The following BTBD7 variants were observed in gnomAD, a reference collection of about 807,000 sequenced individuals.
The protein encoded by BTBD7 is BTB/POZ domain-containing protein 7.
Under a neutral mutation model 99.9 loss-of-function variants are expected in BTBD7, and 38 were observed. That is an observed-to-expected ratio of 0.38 (90% CI 0.29 to 0.50). BTBD7 has a LOEUF of 0.50. Among genes scored for constraint, BTBD7 ranks in the 20% least tolerant of loss-of-function variants. BTBD7 has a pLI of 0.93. For synonymous variants in BTBD7, 520 were observed against 511.4 expected (o/e 1.02, Z -0.23); for missense variants, 1,170 against 1,394.6 (o/e 0.84, Z 2.57).
Position 93,296,039 on chromosome 14 carries a change from C to G in BTBD7, c.13G>C (p.Ala5Pro). Residue 5 changes from alanine (A) to proline (P), a missense_variant, in exon 2 of 11, where the codon GCA (alanine) becomes CCA (proline). Transcript: ENST00000334746. MGAN[A>P]SNYPHSCSPR... ...GAACATGAATGAGGATAATTAGATGCATTAGCACCCATTTTCTTCAGTCAC... is the reference window on the plus strand; with the variant it reads ...GAACATGAATGAGGATAATTAGATGGATTAGCACCCATTTTCTTCAGTCAC... 6.2e-7 allele frequency: 1 copy of G among 1,613,792 alleles called. No individual in the cohort carries two copies. Among genetic ancestry groups the G allele is most frequent in the Non-Finnish European group, 8.5e-7 (1 of 1,179,832 alleles).
chr14:93,268,756 CTT>C (rs61483726), intron 3 of BTBD7, among the ~76,000 whole-genome samples: 2,815 of 120,796 alleles, frequency 0.023, 31 homozygotes, highest in African/African-American at 0.048. Flanking sequence ...TAACTTAGAC[CTT>C]TTTTTTTTTT....
intron 1 of BTBD7, among the ~76,000 whole-genome samples, chr14:93,321,014 C>T (rs7161072): frequency 0.39 from 58,605 of 151,888 alleles, 12,505 homozygotes; most frequent in African/African-American, 0.58. Flanking sequence ...AAAGTGATAC[C>T]GTTACGCAGT....
chr14:93,331,105 A>G (rs1484590377), intron 1 of BTBD7, among the ~76,000 whole-genome samples: 3 of 146,786 alleles, frequency 2.0e-5, no homozygotes, highest in Non-Finnish European at 4.5e-5. Context: ...TCAGGTTAGG[A>G]AAAAAAAAAA....
intron 1 of BTBD7, among the ~76,000 whole-genome samples, chr14:93,312,486 A>C (rs2053149369): frequency 6.6e-6 from 1 of 152,212 alleles, no homozygotes; most frequent in Non-Finnish European, 1.5e-5. Context: ...CATACCTGAC[A>C]GCAATAATTT....
Position 93,294,182 on chromosome 14 carries a change from C to G in BTBD7, c.838G>C (p.Val280Leu), listed in dbSNP as rs201601051. 2.3e-5 allele frequency: 37 copies of G among 1,614,052 alleles called. No homozygotes were observed. The Admixed American group carries it at 5.0e-4, about 22-fold the overall frequency. ...AAAAATGGGGACCGTGCAGAAATAA[C>G]AGCCTTGTGGGCTTTGAGCTCTTCA... is the stretch of plus-strand genomic sequence containing the variant. ...LDEELKAHKA[V>L]ISARSPFFRN... Residue 280 changes from valine to leucine, a missense_variant, in exon 3 of 11, where the codon GTT becomes CTT. Physicochemically the swap from Val to Leu is conservative, Grantham distance 32. Coordinates refer to ENST00000334746, the MANE Select transcript of BTBD7 (RefSeq NM_001002860.4).
chr14:93,303,299 G>A (rs907940689), intron 1 of BTBD7, among the ~76,000 whole-genome samples: 3 of 152,100 alleles, frequency 2.0e-5, no homozygotes, highest in Non-Finnish European at 2.9e-5. Flanking sequence ...GTTGTTTTAA[G>A]AGTTAAAATA....
chr14:93,254,128 G>A (rs758562457), intron 6 of BTBD7, among the ~76,000 whole-genome samples: 66 of 151,936 alleles, frequency 4.3e-4, no homozygotes, highest in Admixed American at 4.6e-4. Context: ...TAGTAGAGAC[G>A]GGGTTTCACC....
intron 1 of BTBD7, among the ~76,000 whole-genome samples, chr14:93,327,409 A>G (rs1158953666): frequency 2.0e-5 from 3 of 152,140 alleles, no homozygotes; most frequent in African/African-American, 4.8e-5. Flanking sequence ...TCCCCACTAA[A>G]TAACTATAGT....
At chr14:93,248,392 C>T (rs2052336880) in intron 9 of BTBD7, 84 bp downstream of exon 9, 2 of 1,424,606 alleles carry the variant, frequency 1.4e-6, no homozygotes, top group Admixed American at 3.9e-5. Flanking sequence ...AGGAAATAAG[C>T]CAAGGACTCG....
Position 93,242,642 on chromosome 14 carries a change from T to A in BTBD7, c.3030A>T (p.Pro1010=). The A allele has an allele frequency of 1.9e-6, 3 of 1,614,140 alleles. No homozygotes were observed. The highest frequency in any genetic ancestry group is 2.5e-6 in the Non-Finnish European group (3 of 1,180,040). The change falls in exon 11 of 11, where the codon CCA becomes CCT. Residue 1010 remains proline (P), a synonymous_variant. Transcript: ENST00000334746. ...KKQEEARREY[P]LSPDGHLHRQ... ...TGTGTAGATGCCCGTCAGGGGAAAG[T>A]GGATATTCTCTCCTAGCTTCTTCCT...
At chr14:93,319,554 T>C (rs2053246391) in intron 1 of BTBD7, among the ~76,000 whole-genome samples, 1 of 152,218 alleles carries the variant, frequency 6.6e-6, no homozygotes, top group Admixed American at 6.5e-5. Flanking sequence ...ATATGAGGTC[T>C]TTATCTAGGC....
Position 93,294,900 on chromosome 14 carries a change from T to G in BTBD7, c.120A>C (p.Glu40Asp). ...CATGGTCAAGGCTATACAACTTTGA[T>G]TCGCAACCATAGCCTTGCTGAGAAT... ...SSYSQQGYGCESKLYSLDHGH... is the reference protein window; with the variant it reads ...SSYSQQGYGCDSKLYSLDHGH... The change falls in exon 3 of 11, where the codon GAA becomes GAC. Residue 40 changes from glutamate (E) to aspartate (D), a missense_variant. By Grantham distance (45) the Glu-to-Asp change is conservative (BLOSUM62 2). This residue lies in a region of BTBD7 where 359 missense variants were observed against 497.9 expected (regional missense o/e 0.72). Coordinates refer to ENST00000334746, the MANE Select transcript of BTBD7 (RefSeq NM_001002860.4). 2 of 1,605,588 alleles carry G rather than the reference T, an allele frequency of 1.2e-6. No individual in the cohort carries two copies. The highest frequency in any genetic ancestry group is 2.3e-5 in the South Asian group (2 of 88,828).
chr14:93,300,786 A>T (rs111734207), intron 1 of BTBD7, among the ~76,000 whole-genome samples: 36,429 of 101,586 alleles, frequency 0.36, 8,367 homozygotes, highest in African/African-American at 0.56. Context: ...ATATATATAT[A>T]TTTTTTTTTT....
chr14:93,313,455 A>G (rs2053161444), intron 1 of BTBD7, among the ~76,000 whole-genome samples: 1 of 152,190 alleles, frequency 6.6e-6, no homozygotes, highest in East Asian at 1.9e-4. Flanking sequence ...ATTATAATTC[A>G]TAACAGCTGT....
intron 1 of BTBD7, among the ~76,000 whole-genome samples, chr14:93,309,031 CA>C (rs895854324): frequency 6.6e-5 from 10 of 152,174 alleles, no homozygotes; most frequent in Non-Finnish European, 1.3e-4. Flanking sequence ...AAAAACCTCA[CA>C]AAAAAACATT....
chr14:93,257,344 G>A lies in BTBD7; in HGVS notation c.1459C>T (p.Leu487=). 6.2e-7 allele frequency: 1 copy of A among 1,603,808 alleles called. No homozygotes were observed. The part of the protein sequence containing the change: ...KRIADREPNL[L]SGTAHSVNKR... ...TTCACACTATGGGCAGTGCCACTCA[G>A]TAAGTTTGGCTCTATGAGACAGAAA... Residue 487 remains leucine, a synonymous_variant, in exon 6 of 11, where the codon CTG becomes TTG. Coordinates refer to ENST00000334746, the MANE Select transcript of BTBD7 (RefSeq NM_001002860.4).
At chr14:93,253,999 G>T (rs576060297) in intron 6 of BTBD7, among the ~76,000 whole-genome samples, 2 of 150,928 alleles carry the variant, frequency 1.3e-5, no homozygotes. Context: ...GTGCAGTGGC[G>T]TGATCTTGGC....
chr14:93,282,859 T>C (rs952204440), intron 3 of BTBD7, among the ~76,000 whole-genome samples: 5 of 152,148 alleles, frequency 3.3e-5, no homozygotes, highest in African/African-American at 1.2e-4. Flanking sequence ...CCTCAATTGA[T>C]GTTAATTATT....
At chr14:93,329,635 A>G (rs899515244) in intron 1 of BTBD7, among the ~76,000 whole-genome samples, 1 of 152,260 alleles carries the variant, frequency 6.6e-6, no homozygotes, top group African/African-American at 2.4e-5. Context: ...AAATTGTGAC[A>G]CATGCTACAA....
Sources: allele counts gnomAD v4.1 joint callset (sites outside exome capture counted in the v4.1 genomes callset), GRCh38; gene constraint gnomAD v4.1.1; regional missense constraint gnomAD v4.1.1; transcripts MANE v1.5; gene names NCBI Gene and HGNC (gene_info 2026-07-23, HGNC 2026-07-21).